Variants in DAB2IP observed in about 807,000 individuals in gnomAD.
DAB2IP encodes the protein DAB2 interacting protein.
DAB2IP carries 28 observed loss-of-function variants against 107.2 expected under a neutral mutation model. The observed-to-expected ratio is 0.26, with a 90% CI of 0.19 to 0.36. DAB2IP has a LOEUF of 0.36. Among genes scored for constraint, DAB2IP ranks in the 10% least tolerant of loss-of-function variants. DAB2IP has a pLI of 1.00. For missense variants in DAB2IP, 1,400 were observed against 1,644.7 expected (o/e 0.85, Z 2.57); for synonymous variants, 755 against 706.4 (o/e 1.07, Z -1.09).
At chr9:121,594,906 G>A (rs1830496229) in intron 1 of DAB2IP, among the ~76,000 whole-genome samples, 1 of 152,162 alleles carries the variant, frequency 6.6e-6, no homozygotes, top group South Asian at 2.1e-4. Flanking sequence ...GCACTGACTG[G>A]GTAGAGATAG....
chr9:121,757,229 C>T (rs903552091), intron 4 of DAB2IP, 63 bp downstream of exon 4: 1 of 1,574,386 alleles, frequency 6.4e-7, no homozygotes, highest in Non-Finnish European at 8.6e-7. Flanking sequence ...CTGGTCTCCT[C>T]CAGACATCCT....
chr9:121,637,831 C>T (rs888125003), intron 1 of DAB2IP, among the ~76,000 whole-genome samples: 1 of 152,156 alleles, frequency 6.6e-6, no homozygotes, highest in Non-Finnish European at 1.5e-5. Flanking sequence ...ATGAGAAGCC[C>T]TGCAACCTGT....
At chr9:121,628,021 A>T (rs1276632949) in intron 1 of DAB2IP, among the ~76,000 whole-genome samples, 1 of 152,158 alleles carries the variant, frequency 6.6e-6, no homozygotes, top group Non-Finnish European at 1.5e-5. Flanking sequence ...TGTCTGCAGG[A>T]AGCACATTTA....
chr9:121,621,635 C>T (rs941869774), intron 1 of DAB2IP, among the ~76,000 whole-genome samples: 2 of 147,742 alleles, frequency 1.4e-5, no homozygotes, highest in East Asian at 1.9e-4. Context: ...TTCTTTTTTT[C>T]CTTTTTTTTT....
chr9:121,721,228 C>T (rs748549437), intron 3 of DAB2IP, among the ~76,000 whole-genome samples: 5 of 152,184 alleles, frequency 3.3e-5, no homozygotes, highest in African/African-American at 4.8e-5. Context: ...AGCCTGAAGG[C>T]TCACCCCAGT....
At chr9:121,697,161 A>C (rs989012530) in intron 2 of DAB2IP, among the ~76,000 whole-genome samples, 1 of 152,184 alleles carries the variant, frequency 6.6e-6, no homozygotes, top group Non-Finnish European at 1.5e-5. Context: ...AGGAAGTGGC[A>C]CATGTGCATC....
intron 1 of DAB2IP, among the ~76,000 whole-genome samples, chr9:121,661,299 G>T (rs1005858164): frequency 3.3e-5 from 5 of 152,208 alleles, no homozygotes; most frequent in East Asian, 1.9e-4. Flanking sequence ...GGAGAAGTTT[G>T]GTGAAAATGG....
chr9:121,655,894 A>G (rs1271256891), intron 1 of DAB2IP, among the ~76,000 whole-genome samples: 1 of 151,868 alleles, frequency 6.6e-6, no homozygotes, highest in Non-Finnish European at 1.5e-5. Context: ...ATGCCTCTGT[A>G]TCTTGCCCGC....
intron 1 of DAB2IP, among the ~76,000 whole-genome samples, chr9:121,589,019 T>C (rs938943936): frequency 7.2e-5 from 11 of 151,940 alleles, no homozygotes; most frequent in African/African-American, 2.7e-4. Flanking sequence ...TCCAATCTCT[T>C]ATCTTCCTTC....
At chr9:121,729,243 C>T (rs1831390015) in intron 3 of DAB2IP, among the ~76,000 whole-genome samples, 1 of 152,206 alleles carries the variant, frequency 6.6e-6, no homozygotes, top group Non-Finnish European at 1.5e-5. Flanking sequence ...TGCCAGCTCA[C>T]AGGCTCTTTC....
rs1330562923 is a variant in DAB2IP at position 121,635,145 on chromosome 9, C to T, written c.41-43533C>T. On this transcript the variant is annotated intron_variant, in intron 1 of 16. Coordinates refer to the DAB2IP transcript ENST00000259371. This position sits in a 1 kb window ranked among gnomAD's most constrained non-coding sequence, Gnocchi z 4.3. ...CTGGAGAGGCCAGGCCTCCGTGTGGCCGGTCAATGCCTCAGGAGGTCAGCA... is the reference window on the plus strand; with the variant it reads ...CTGGAGAGGCCAGGCCTCCGTGTGGTCGGTCAATGCCTCAGGAGGTCAGCA... Among the ~76,000 whole-genome samples, 2 of 152,138 alleles carry T rather than the reference C, an allele frequency of 1.3e-5. No homozygotes were observed. Among genetic ancestry groups the T allele is most frequent in the South Asian group, 2.1e-4 (1 of 4,828 alleles).
In DAB2IP at chr9:121,709,317, C is replaced by T. The variant is rs139189787; in HGVS notation, c.362+9859C>T. The stretch of plus-strand genomic sequence containing the variant: ...CGGGGCGGGGGACGGAGATGCCTTT[C>T]ATCCTGCTCTGTTCATGGCAAGCTG... On this transcript the variant is annotated intron_variant, in intron 3 of 15. Coordinates refer to ENST00000408936, the Ensembl canonical transcript of DAB2IP. 1.4e-3 allele frequency among the ~76,000 whole-genome samples: 208 copies of T among 152,256 alleles called. 1 individual carries two copies. In the East Asian group the frequency reaches 0.036, roughly 26 times the overall value.
chr9:121,727,453 G>GCA (rs1255527862), intron 3 of DAB2IP, among the ~76,000 whole-genome samples: 1 of 152,264 alleles, frequency 6.6e-6, no homozygotes, highest in Non-Finnish European at 1.5e-5. Context: ...CCTTAGCATG[G>GCA]CAGTGGGGGT....
intron 6 of DAB2IP, 52 bp from the exon 7 acceptor site, chr9:121,763,453 C>G (rs964075085): frequency 1.3e-6 from 2 of 1,566,042 alleles, no homozygotes; most frequent in Non-Finnish European, 1.7e-6. Flanking sequence ...TCCTAGGGCC[C>G]TCCATGCCAG....
At chr9:121,591,276 C>A (rs185241149) in intron 1 of DAB2IP, among the ~76,000 whole-genome samples, 1 of 152,330 alleles carries the variant, frequency 6.6e-6, no homozygotes, top group Non-Finnish European at 1.5e-5. Context: ...CAATACCAGC[C>A]TGGCCAACAT....
At chr9:121,741,981 C>A (rs1832382574) in intron 3 of DAB2IP, among the ~76,000 whole-genome samples, 1 of 152,076 alleles carries the variant, frequency 6.6e-6, no homozygotes, top group Admixed American at 6.5e-5. Context: ...GGCTTCAGAG[C>A]TCATTTTCTT....
intron 2 of DAB2IP, among the ~76,000 whole-genome samples, chr9:121,695,406 C>T (rs377291897): frequency 3.5e-4 from 54 of 152,284 alleles, no homozygotes; most frequent in South Asian, 3.1e-3. Context: ...GTCTTTCTGG[C>T]GACATTGTAC....
At chr9:121,706,729 C>A (rs1028304662) in intron 3 of DAB2IP, among the ~76,000 whole-genome samples, 1 of 152,178 alleles carries the variant, frequency 6.6e-6, no homozygotes, top group Non-Finnish European at 1.5e-5. Flanking sequence ...TGTTACCATC[C>A]CCTCCTGAGA....
In DAB2IP at chr9:121,760,073, G is replaced by T; in HGVS notation, c.804G>T (p.Leu268=). 2 of 1,614,052 alleles carry T rather than the reference G, an allele frequency of 1.2e-6. No homozygotes were observed. Among genetic ancestry groups the T allele is most frequent in the Non-Finnish European group, 1.7e-6 (2 of 1,180,042 alleles). The change falls in exon 6 of 16, where the codon CTG becomes CTT. Residue 268 remains leucine, a synonymous_variant. Coordinates refer to ENST00000408936, the Ensembl canonical transcript of DAB2IP. This position sits in a 1 kb window ranked among gnomAD's most constrained non-coding sequence, Gnocchi z 5.9. ...TCGAGTTCCACAACTTGCCGCCTCT[G>T]CGCACGGTCACTGTCCACCTGTACC...
Sources: gnomAD v4.1 joint callset for allele counts (sites outside exome capture counted in the v4.1 genomes callset) on GRCh38, gnomAD v4.1.1 for gene constraint, Gnocchi (gnomAD v3.1) non-coding constraint, MANE v1.5 for transcripts, NCBI Gene and HGNC (gene_info 2026-07-23, HGNC 2026-07-21) for gene names.